The following BRINP3 variants were observed in gnomAD, a reference collection of about 807,000 sequenced individuals.
BRINP3 encodes the protein BMP/retinoic acid inducible neural specific 3, also known as BMP/retinoic acid-inducible neural-specific protein 3.
In BRINP3, 19 loss-of-function variants were observed where a neutral mutation model predicts 71.0. The ratio of observed to expected loss-of-function variants is 0.27; its 90% CI spans 0.19 to 0.39. The LOEUF (loss-of-function observed/expected upper bound fraction) is 0.39, where lower values mean the gene tolerates loss of function less well. Among genes scored for constraint, BRINP3 ranks in the 10% least tolerant of loss-of-function variants. The probability of loss-of-function intolerance (pLI) is 1.00; values close to 1 mark genes in which losing one functional copy is unlikely to be tolerated. For synonymous variants in BRINP3, 380 were observed against 337.7 expected, an observed-to-expected ratio of 1.13 and a Z score of -1.37; for missense variants, 959 against 940.8, an observed-to-expected ratio of 1.02 and a Z score of -0.25.
At chr1:190,356,527 C>T (rs1246420440) in intron 2 of BRINP3, among the ~76,000 whole-genome samples, 1 of 151,866 alleles carries the variant, frequency 6.6e-6, no homozygotes, top group Non-Finnish European at 1.5e-5. Context: ...AGACATTTCT[C>T]CAATGTCAGG....
At chr1:190,192,021 C>T (rs74406621) in intron 6 of BRINP3, among the ~76,000 whole-genome samples, 3,406 of 152,102 alleles carry the variant, frequency 0.022, 129 homozygotes, top group African/African-American at 0.077. Context: ...TCTGTCCTTG[C>T]TGAAATTGAC....
intron 2 of BRINP3, among the ~76,000 whole-genome samples, chr1:190,282,776 A>G (rs1291589411): frequency 6.6e-6 from 1 of 152,012 alleles, no homozygotes; most frequent in South Asian, 2.1e-4. Flanking sequence ...TAAAATAAAG[A>G]CAGAAAATTA....
At chr1:190,413,595 G>T (rs942069360) in intron 2 of BRINP3, among the ~76,000 whole-genome samples, 8 of 152,172 alleles carry the variant, frequency 5.3e-5, no homozygotes, top group Non-Finnish European at 8.8e-5. Flanking sequence ...AATGCTAGCA[G>T]CCACCAGTAA....
At chr1:190,259,720 A>G (rs1030707283) in intron 4 of BRINP3, among the ~76,000 whole-genome samples, 3 of 151,992 alleles carry the variant, frequency 2.0e-5, no homozygotes, top group African/African-American at 7.2e-5. Flanking sequence ...TTTGCAGATA[A>G]CATTATCTAA....
intron 2 of BRINP3, among the ~76,000 whole-genome samples, chr1:190,348,828 T>C (rs193198644): frequency 2.8e-4 from 42 of 152,274 alleles, no homozygotes; most frequent in Middle Eastern, 6.8e-3. Context: ...TTAACACAGC[T>C]ACTTAGGATC....
At chr1:190,410,554 A>T (rs1229984593) in intron 2 of BRINP3, among the ~76,000 whole-genome samples, 2 of 152,138 alleles carry the variant, frequency 1.3e-5, no homozygotes, top group Non-Finnish European at 2.9e-5. Context: ...AGAAACAGAA[A>T]GGTAGTATTT....
chr1:190,396,713 G>GAGATATAT (rs1553310921), intron 2 of BRINP3, among the ~76,000 whole-genome samples: 2 of 101,022 alleles, frequency 2.0e-5, no homozygotes, highest in Admixed American at 9.4e-5. Flanking sequence ...CTAATTTAAT[G>GAGATATAT]ATATATATAT....
At chr1:190,204,082 T>A (rs994552756) in intron 6 of BRINP3, among the ~76,000 whole-genome samples, 1 of 151,716 alleles carries the variant, frequency 6.6e-6, no homozygotes, top group Non-Finnish European at 1.5e-5. Flanking sequence ...GATTTTGTAT[T>A]GATTTCAAAT....
At chr1:190,248,749 A>AAC (rs201919170) in intron 4 of BRINP3, among the ~76,000 whole-genome samples, 25 of 151,226 alleles carry the variant, frequency 1.7e-4, no homozygotes, top group African/African-American at 4.3e-4. Flanking sequence ...TATACATTCA[A>AAC]ACACACACAC....
intron 4 of BRINP3, among the ~76,000 whole-genome samples, chr1:190,256,234 T>G (rs1374147167): frequency 6.6e-6 from 1 of 151,232 alleles, no homozygotes; most frequent in Non-Finnish European, 1.5e-5. Context: ...CTGAGAAGAA[T>G]GTATATTCTG....
chr1:190,284,406 C>T (rs960842201), intron 2 of BRINP3, among the ~76,000 whole-genome samples: 2 of 151,852 alleles, frequency 1.3e-5, no homozygotes, highest in Non-Finnish European at 2.9e-5. Flanking sequence ...AAATCTATGA[C>T]CTCGAGGGCT....
intron 2 of BRINP3, among the ~76,000 whole-genome samples, chr1:190,360,459 G>T (rs925062978): frequency 6.6e-6 from 1 of 152,150 alleles, no homozygotes; most frequent in African/African-American, 2.4e-5. Context: ...CAAGACTGAG[G>T]TGTATCATGA....
intron 1 of BRINP3, among the ~76,000 whole-genome samples, chr1:190,474,199 T>TA (rs1313536596): frequency 6.6e-6 from 1 of 152,182 alleles, no homozygotes. Context: ...GCTACACATT[T>TA]AAATAAATGC....
At chr1:190,165,007 G>A (rs528929507) in intron 6 of BRINP3, among the ~76,000 whole-genome samples, 3 of 151,702 alleles carry the variant, frequency 2.0e-5, no homozygotes, top group African/African-American at 7.3e-5. Context: ...CAGTAGAAAT[G>A]ACAATGCAAT....
chr1:190,349,273 C>A (rs1484084411), intron 2 of BRINP3, among the ~76,000 whole-genome samples: 1 of 152,064 alleles, frequency 6.6e-6, no homozygotes, highest in African/African-American at 2.4e-5. Context: ...TCATGAGCCA[C>A]TAAATTTCAC....
At chr1:190,306,189 T>C (rs1665085365) in intron 2 of BRINP3, among the ~76,000 whole-genome samples, 1 of 151,700 alleles carries the variant, frequency 6.6e-6, no homozygotes, top group African/African-American at 2.4e-5. Context: ...GATAAAGATA[T>C]CTGCCCAATA....
At chr1:190,204,008 A>G (rs1213355817) in intron 6 of BRINP3, among the ~76,000 whole-genome samples, 1 of 151,378 alleles carries the variant, frequency 6.6e-6, no homozygotes, top group Non-Finnish European at 1.5e-5. Flanking sequence ...TGTAAATTTC[A>G]TTATATGATA....
At chr1:190,354,882 T>C (rs1443447231) in intron 2 of BRINP3, among the ~76,000 whole-genome samples, 2 of 151,826 alleles carry the variant, frequency 1.3e-5, no homozygotes, top group Non-Finnish European at 2.9e-5. Flanking sequence ...ATTTAAAATT[T>C]GACAATTTTT....
At chr1:190,412,664 G>T (rs1481580392) in intron 2 of BRINP3, among the ~76,000 whole-genome samples, 1 of 150,746 alleles carries the variant, frequency 6.6e-6, no homozygotes, top group African/African-American at 2.4e-5. Flanking sequence ...GGGTTTCACC[G>T]TTTTAGCCGG....
Sources: gnomAD v4.1 joint callset for allele counts (sites outside exome capture counted in the v4.1 genomes callset) on GRCh38, gnomAD v4.1.1 for gene constraint, MANE v1.5 for transcripts, NCBI Gene and HGNC (gene_info 2026-07-23, HGNC 2026-07-21) for gene names.